TTC29: variants seen among roughly 807,000 people sequenced by gnomAD.
The protein encoded by TTC29 is tetratricopeptide repeat domain 29, also known as tetratricopeptide repeat protein 29.
Under a neutral mutation model 58.1 loss-of-function variants are expected in TTC29, and 49 were observed. The ratio of observed to expected loss-of-function variants is 0.84; its 90% CI spans 0.67 to 1.07. The LOEUF is 1.07. Ranked by LOEUF, TTC29 falls within the 50% of genes least tolerant of loss-of-function variation. The probability of loss-of-function intolerance (pLI) is 0.00; values close to 1 mark genes in which losing one functional copy is unlikely to be tolerated. For synonymous variants in TTC29, 209 were observed against 196.8 expected (o/e 1.06, Z -0.52); for missense variants, 582 against 555.6 (o/e 1.05, Z -0.48).
intron 6 of TTC29, among the ~76,000 whole-genome samples, chr4:146,891,813 T>C (rs1732385432): frequency 6.6e-6 from 1 of 152,082 alleles, no homozygotes; most frequent in South Asian, 2.1e-4. Context: ...TGGAGCCTCT[T>C]TGGGGAATGC....
At chr4:146,813,084 C>T (rs779683619) in intron 10 of TTC29, 6 of 152,118 alleles carry the variant, frequency 3.9e-5, no homozygotes, top group South Asian at 4.2e-4. Context: ...GAACAACGCT[C>T]GAATTATTAC....
intron 6 of TTC29, among the ~76,000 whole-genome samples, chr4:146,896,658 C>T (rs1021607596): frequency 6.6e-6 from 1 of 152,126 alleles, no homozygotes; most frequent in African/African-American, 2.4e-5. Flanking sequence ...GTGTATTCTT[C>T]CTCAGGAACT....
chr4:146,879,850 C>CA (rs1013018169), intron 6 of TTC29, among the ~76,000 whole-genome samples: 4 of 151,876 alleles, frequency 2.6e-5, no homozygotes, highest in Non-Finnish European at 5.9e-5. Flanking sequence ...GAAAACAGGA[C>CA]AAAAAAAGAA....
chr4:146,868,724 G>A (rs956799507), intron 7 of TTC29, among the ~76,000 whole-genome samples: 1 of 152,094 alleles, frequency 6.6e-6, no homozygotes, highest in Non-Finnish European at 1.5e-5. Context: ...TAATGCAAAT[G>A]CTGAGTGATC....
At chr4:146,835,728 G>A (rs148670100) in intron 8 of TTC29, among the ~76,000 whole-genome samples, 5 of 152,172 alleles carry the variant, frequency 3.3e-5, no homozygotes, top group African/African-American at 9.6e-5. Context: ...TGCTTATATT[G>A]CACCACTCTC....
chr4:146,724,149 A>G (rs1743588823), intron 11 of TTC29, among the ~76,000 whole-genome samples: 2 of 152,222 alleles, frequency 1.3e-5, no homozygotes, highest in South Asian at 4.1e-4. Flanking sequence ...GCATGTTCTC[A>G]CTTACAAGTA....
intron 11 of TTC29, among the ~76,000 whole-genome samples, chr4:146,757,720 C>A (rs1746557771): frequency 6.6e-6 from 1 of 152,056 alleles, no homozygotes; most frequent in Non-Finnish European, 1.5e-5. Flanking sequence ...CGAAACTAAG[C>A]ATCATATATG....
At chr4:146,775,236 T>A (rs1443204361) in intron 11 of TTC29, among the ~76,000 whole-genome samples, 1 of 152,284 alleles carries the variant, frequency 6.6e-6, no homozygotes, top group African/African-American at 2.4e-5. Flanking sequence ...GAGAAATTTA[T>A]CCTGTTTATA....
chr4:146,864,010 C>T (rs768828184), intron 8 of TTC29, among the ~76,000 whole-genome samples: 10 of 152,278 alleles, frequency 6.6e-5, no homozygotes, highest in Non-Finnish European at 1.0e-4. Flanking sequence ...AGAAATGTTT[C>T]GCCAGCTATC....
chr4:146,807,837 T>C (rs1303570004), intron 10 of TTC29, among the ~76,000 whole-genome samples: 1 of 152,158 alleles, frequency 6.6e-6, no homozygotes, highest in Non-Finnish European at 1.5e-5. Flanking sequence ...CCATTCCTTC[T>C]GAAACTATTC....
intron 6 of TTC29, among the ~76,000 whole-genome samples, chr4:146,892,697 G>A (rs1363373673): frequency 1.3e-5 from 2 of 152,160 alleles, no homozygotes; most frequent in African/African-American, 4.8e-5. Context: ...AATCAGGCAG[G>A]AGAAGGAAAT....
chr4:146,771,355 A>G (rs1221360723), intron 11 of TTC29, among the ~76,000 whole-genome samples: 1 of 151,990 alleles, frequency 6.6e-6, no homozygotes, highest in East Asian at 1.9e-4. Flanking sequence ...TTATTTTGTC[A>G]CCCAGGTAAT....
Position 146,910,037 on chromosome 4 carries a change from A to G in TTC29, c.177-788T>C, listed in dbSNP as rs189441378. On this transcript the variant is annotated intron_variant, in intron 4 of 12. Transcript: ENST00000325106. The stretch of plus-strand genomic sequence containing the variant: ...CAGAATTGTGAGATAATAGCTGTGT[A>G]GTGGCTATTATTCCATTAAAAGAAC... Among the ~76,000 whole-genome samples the G allele has an allele frequency of 6.6e-4, 101 of 152,248 alleles. 1 individual carries two copies. Among genetic ancestry groups the G allele is most frequent in the African/African-American group, 2.4e-3 (100 of 41,552 alleles).
intron 11 of TTC29, among the ~76,000 whole-genome samples, chr4:146,723,665 C>T (rs1442601090): frequency 1.3e-5 from 2 of 152,126 alleles, no homozygotes; most frequent in East Asian, 3.9e-4. Context: ...AAATGCAAAT[C>T]AAAACCAGAA....
chr4:146,765,493 G>A (rs771210002), intron 11 of TTC29, among the ~76,000 whole-genome samples: 19 of 152,194 alleles, frequency 1.2e-4, no homozygotes, highest in African/African-American at 2.2e-4. Context: ...GAGCCAACGC[G>A]CTCAGCCCCA....
chr4:146,943,177 T>C (rs1736581306), intron 2 of TTC29, among the ~76,000 whole-genome samples: 1 of 116,890 alleles, frequency 8.6e-6, no homozygotes, highest in African/African-American at 4.9e-5. Flanking sequence ...TGCTTTTTTT[T>C]TTTTTTTTTT....
At chr4:146,916,759 T>C (rs1734248607) in intron 4 of TTC29, among the ~76,000 whole-genome samples, 1 of 151,478 alleles carries the variant, frequency 6.6e-6, no homozygotes, top group Non-Finnish European at 1.5e-5. Flanking sequence ...TTAATTGATA[T>C]GCAAATAAGT....
At chr4:146,713,079 G>C (rs971349431) in intron 11 of TTC29, among the ~76,000 whole-genome samples, 20 of 148,276 alleles carry the variant, frequency 1.3e-4, no homozygotes, top group Admixed American at 8.1e-4. Context: ...CAGTCTCCTG[G>C]GACACAGAGC....
intron 6 of TTC29, among the ~76,000 whole-genome samples, chr4:146,895,996 G>A (rs1367439761): frequency 6.6e-6 from 1 of 152,026 alleles, no homozygotes; most frequent in African/African-American, 2.4e-5. Flanking sequence ...TATTAAAAAT[G>A]CAGATAAAAA....
Sources: allele counts gnomAD v4.1 joint callset (sites outside exome capture counted in the v4.1 genomes callset), GRCh38; gene constraint gnomAD v4.1.1; transcripts MANE v1.5; gene names NCBI Gene and HGNC (gene_info 2026-07-23, HGNC 2026-07-21).